The following ADGRL3 variants were observed in gnomAD, a reference collection of about 807,000 sequenced individuals.
ADGRL3 encodes adhesion G protein-coupled receptor L3.
In ADGRL3, 62 loss-of-function variants were observed where a neutral mutation model predicts 153.5. The observed-to-expected ratio is 0.40, with a 90% CI of 0.33 to 0.50. The LOEUF (loss-of-function observed/expected upper bound fraction) is 0.50, where lower values mean the gene tolerates loss of function less well. Ranked by LOEUF, ADGRL3 falls within the 20% of genes least tolerant of loss-of-function variation. The pLI is 0.47. For synonymous variants in ADGRL3, 710 were observed against 672.5 expected (o/e 1.06, Z -0.86); for missense variants, 1,641 against 1,859.4 (o/e 0.88, Z 2.16).
chr4:61,362,559 G>C (rs1363198177), intron 1 of ADGRL3, among the ~76,000 whole-genome samples: 1 of 152,076 alleles, frequency 6.6e-6, no homozygotes, highest in Non-Finnish European at 1.5e-5. Context: ...GTTAGGTATT[G>C]TATATTGTAT....
At chr4:61,379,798 T>A (rs1312841292) in intron 1 of ADGRL3, among the ~76,000 whole-genome samples, 1 of 152,044 alleles carries the variant, frequency 6.6e-6, no homozygotes, top group African/African-American at 2.4e-5. Flanking sequence ...CTTCTAACAG[T>A]AATCAGTGTC....
chr4:61,800,789 A>G (rs1290465521), intron 8 of ADGRL3, among the ~76,000 whole-genome samples: 2 of 152,190 alleles, frequency 1.3e-5, no homozygotes, highest in Non-Finnish European at 2.9e-5. Flanking sequence ...CATAATTCTG[A>G]AAAGATTATC....
intron 9 of ADGRL3, among the ~76,000 whole-genome samples, chr4:61,889,052 G>A (rs2098554956): frequency 6.6e-6 from 1 of 152,032 alleles, no homozygotes; most frequent in Admixed American, 6.6e-5. Context: ...CTTTTTGTGG[G>A]ATACTATATT....
At chr4:61,887,372 A>G (rs1422485138) in intron 9 of ADGRL3, among the ~76,000 whole-genome samples, 1 of 152,176 alleles carries the variant, frequency 6.6e-6, no homozygotes, top group Non-Finnish European at 1.5e-5. Context: ...TTTTAATAGC[A>G]AAGTATTAAA....
chr4:61,369,248 C>G (rs2151663901), intron 1 of ADGRL3, among the ~76,000 whole-genome samples: 1 of 152,268 alleles, frequency 6.6e-6, no homozygotes, highest in South Asian at 2.1e-4. Flanking sequence ...TTGCCCTGGC[C>G]AGAACTTCCA....
rs565441284 is a variant in ADGRL3 at position 61,764,876 on chromosome 4, T to C, written c.1399+31322T>C. ...GAGAGGTTAAGCTGAAGGGAGGTCT[T>C]GTGGTAAGGGGTGATATTGTGGGGA... On this transcript the variant is annotated intron_variant, in intron 8 of 26. Transcript: ENST00000683033. 4.0e-3 allele frequency among the ~76,000 whole-genome samples: 608 copies of C among 151,438 alleles called. 3 individuals carry two copies. Among genetic ancestry groups the C allele is most frequent in the African/African-American group, 0.014 (574 of 41,212 alleles).
In ADGRL3 at chr4:61,353,789, A is replaced by C. The variant is rs557175139; in HGVS notation, c.-239-29335A>C. 1.4e-4 allele frequency among the ~76,000 whole-genome samples: 17 copies of C among 124,150 alleles called. 1 individual carries two copies. The South Asian group carries it at 5.0e-3, about 36-fold the overall frequency. The allele number at this position is 124,150 out of a possible 152,430, so 81.4% of individuals were successfully genotyped here. ...TTTCAGCTTCTACTCACCCCGAAAT[A>C]GATGAACCAAACAGGGAAAAATTTT... On this transcript the variant is annotated intron_variant, in intron 1 of 26. Coordinates refer to ENST00000683033, the MANE Select transcript of ADGRL3 (RefSeq NM_001387552.1).
At chr4:62,048,280 T>G (rs938477380) in intron 25 of ADGRL3, among the ~76,000 whole-genome samples, 9 of 152,082 alleles carry the variant, frequency 5.9e-5, no homozygotes, top group Non-Finnish European at 1.3e-4. Flanking sequence ...TATTTATTTT[T>G]GAGACAGAGT....
rs140687678 is a variant in ADGRL3 at position 62,039,496 on chromosome 4, A to G, written c.3717+1640A>G. ...TAATTTTACTAACCACAATCATGAA[A>G]CTTAAATATAATTGCATGATTATTA... On this transcript the variant is annotated intron_variant, in intron 24 of 26. Transcript: ENST00000683033. Among the ~76,000 whole-genome samples the G allele has an allele frequency of 4.1e-3, 617 of 152,304 alleles. 3 individuals carry two copies. Among genetic ancestry groups the G allele is most frequent in the African/African-American group, 0.014 (575 of 41,568 alleles).
chr4:61,600,303 C>A (rs1191774047), intron 5 of ADGRL3, among the ~76,000 whole-genome samples: 9 of 248 alleles, frequency 0.036, no homozygotes, highest in African/African-American at 0.09. Flanking sequence ...GTGAGGCTGC[C>A]TTGCAAAAAA....
intron 8 of ADGRL3, among the ~76,000 whole-genome samples, chr4:61,782,645 T>C (rs1337706834): frequency 6.6e-6 from 1 of 152,152 alleles, no homozygotes; most frequent in East Asian, 1.9e-4. Flanking sequence ...ACTGGTGTTT[T>C]TTCCCTCTTA....
chr4:62,037,503 A>C (rs757897814), intron 23 of ADGRL3, among the ~76,000 whole-genome samples: 70 of 151,292 alleles, frequency 4.6e-4, no homozygotes, highest in Non-Finnish European at 8.4e-4. Context: ...TGTGTGTATA[A>C]GTGTGTGTGT....
intron 6 of ADGRL3, among the ~76,000 whole-genome samples, chr4:61,726,488 C>T (rs892283136): frequency 2.6e-5 from 4 of 152,016 alleles, no homozygotes; most frequent in African/African-American, 7.2e-5. Context: ...CGTGAGCCAC[C>T]ACGCCCAGCC....
chr4:61,693,434 C>A (rs1192682166), intron 6 of ADGRL3, among the ~76,000 whole-genome samples: 1 of 151,816 alleles, frequency 6.6e-6, no homozygotes, highest in African/African-American at 2.4e-5. Flanking sequence ...TAAAGCTTAT[C>A]ATGCTAGATC....
rs79766256 is a variant in ADGRL3, at chr4:62,044,792, A to G, written c.3814+243A>G. Among the ~76,000 whole-genome samples, 84 of 152,166 alleles carry G rather than the reference A, an allele frequency of 5.5e-4. No homozygotes were observed. In the East Asian group the frequency reaches 0.016, roughly 28 times the overall value. ...AAATAAAAAACTTTTTTTCCTAGTC[A>G]TCTGCTGCTGCTATAAACTGGAGAG... is the stretch of plus-strand genomic sequence containing the variant. On this transcript the variant is annotated intron_variant, in intron 25 of 26. Coordinates refer to ENST00000683033, the MANE Select transcript of ADGRL3 (RefSeq NM_001387552.1).
chr4:61,833,958 C>CTTTTTTTTTTTTTTTT (rs113049750), intron 9 of ADGRL3, among the ~76,000 whole-genome samples: 2 of 123,466 alleles, frequency 1.6e-5, no homozygotes, highest in African/African-American at 2.9e-5. Flanking sequence ...AAGGCAGCTT[C>CTTTTTTTTTTTTTTTT]TTTTTTTTTT....
intron 1 of ADGRL3, among the ~76,000 whole-genome samples, chr4:61,229,944 TATAG>T (rs896082547): frequency 5.3e-4 from 80 of 152,008 alleles, no homozygotes; most frequent in Admixed American, 4.3e-3. Flanking sequence ...ATACATATTA[TATAG>T]ATAGATAGAT....
At chr4:61,644,651 T>C (rs1021305141) in intron 5 of ADGRL3, among the ~76,000 whole-genome samples, 13 of 152,146 alleles carry the variant, frequency 8.5e-5, no homozygotes, top group African/African-American at 3.1e-4. Context: ...GTCTCAGAGA[T>C]AGTTTGTTAT....
chr4:61,345,681 T>C lies in ADGRL3; in HGVS notation c.-239-37443T>C, dbSNP rs568058525. On this transcript the variant is annotated intron_variant, in intron 1 of 26. Coordinates refer to ENST00000683033, the MANE Select transcript of ADGRL3 (RefSeq NM_001387552.1). The stretch of plus-strand genomic sequence containing the variant: ...TGGAACTTTCTGAAAGGAAAGTTTC[T>C]GTGGCATATTACACTTTTCTGTTTC... Among the ~76,000 whole-genome samples the C allele has an allele frequency of 7.0e-4, 106 of 152,338 alleles. No individual in the cohort carries two copies. In the Middle Eastern group the frequency reaches 0.01, roughly 15 times the overall value.
Sources: gnomAD v4.1 joint callset for allele counts (sites outside exome capture counted in the v4.1 genomes callset) on GRCh38, gnomAD v4.1.1 for gene constraint, MANE v1.5 for transcripts, NCBI Gene and HGNC (gene_info 2026-07-23, HGNC 2026-07-21) for gene names.